The following HDHD5 variants were observed in gnomAD, a reference collection of about 807,000 sequenced individuals.
HDHD5 encodes haloacid dehalogenase like hydrolase domain containing 5.
A neutral mutation model predicts 35.5 loss-of-function variants in HDHD5; 34 were observed. The ratio of observed to expected loss-of-function variants is 0.96; its 90% CI spans 0.73 to 1.28. The LOEUF (loss-of-function observed/expected upper bound fraction) is 1.28. Among genes scored for constraint, HDHD5 ranks in the 50% most tolerant of loss-of-function variants. The probability of loss-of-function intolerance (pLI) is 0.00; values close to 1 mark genes in which losing one functional copy is unlikely to be tolerated. For synonymous variants in HDHD5, 248 were observed against 240.6 expected (o/e 1.03, Z -0.29); for missense variants, 589 against 560.2 (o/e 1.05, Z -0.52).
chr22:17,143,240 AC>A, intron 4 of HDHD5, 109 bp from the exon 5 acceptor site: 3 of 1,185,204 alleles, frequency 2.5e-6, no homozygotes, highest in Non-Finnish European at 3.5e-6. Flanking sequence ...CACTCCACAG[AC>A]CCCACACCCG....
intron 6 of HDHD5, among the ~76,000 whole-genome samples, chr22:17,139,397 A>T (rs534055040): frequency 6.6e-6 from 1 of 152,040 alleles, no homozygotes; most frequent in South Asian, 2.1e-4. Context: ...GTGTGGTGGC[A>T]CATGCCTGTA....
At chr22:17,159,568 G>A, upstream of HDHD5, 1 of 435,136 alleles carries the variant, frequency 2.3e-6, no homozygotes, top group Non-Finnish European at 4.6e-6. Context: ...TTGCGCGGCA[G>A]GCCCCAGGCC....
At chr22:17,159,081 G>A (rs2061837290) in intron 1 of HDHD5, 45 bp downstream of exon 1, 2 of 1,228,482 alleles carry the variant, frequency 1.6e-6, no homozygotes, top group African/African-American at 1.6e-5. Flanking sequence ...CCCCGCCTCC[G>A]GCCCTGAGTG....
chr22:17,156,640 G>A (rs1226667812), intron 1 of HDHD5, among the ~76,000 whole-genome samples: 1 of 152,072 alleles, frequency 6.6e-6, no homozygotes, highest in African/African-American at 2.4e-5. Flanking sequence ...GCCAGGCGTG[G>A]TGGCAGGCAC....
At chr22:17,142,898 T>C (rs2061614630) in intron 5 of HDHD5, 200 bp downstream of exon 5, 4 of 545,696 alleles carry the variant, frequency 7.3e-6, no homozygotes, top group Non-Finnish European at 1.3e-5. Flanking sequence ...TTTCCTGGAA[T>C]AGTGAGTGGC....
chr22:17,161,270 A>T (rs1601409449), upstream of HDHD5, among the ~76,000 whole-genome samples: 1 of 148,914 alleles, frequency 6.7e-6, no homozygotes, highest in East Asian at 2.0e-4. Context: ...AAGAAAGAAG[A>T]AAAAAAGGCC....
chr22:17,148,077 G>A (rs754961521), intron 3 of HDHD5, among the ~76,000 whole-genome samples: 57 of 152,190 alleles, frequency 3.7e-4, no homozygotes, highest in Non-Finnish European at 1.0e-4. Context: ...GCACCCCAAG[G>A]AAGAGGCTAG....
intron 5 of HDHD5, chr22:17,142,518 G>A (rs5747008): frequency 0.88 from 134,087 of 152,254 alleles, 59,206 homozygotes; most frequent in African/African-American, 0.94. Context: ...CTGAGTCACC[G>A]GTAAAACACG....
intron 1 of HDHD5, among the ~76,000 whole-genome samples, chr22:17,164,686 C>A (rs2061881565): frequency 6.6e-6 from 1 of 152,184 alleles, no homozygotes; most frequent in Non-Finnish European, 1.5e-5. Flanking sequence ...CTGCTTACAC[C>A]TCATTGGCCA....
intron 3 of HDHD5, among the ~76,000 whole-genome samples, chr22:17,145,526 G>C (rs1232442605): frequency 6.6e-6 from 1 of 152,158 alleles, no homozygotes; most frequent in African/African-American, 2.4e-5. Flanking sequence ...AACATAGTGA[G>C]ACCTTGTCTC....
intron 5 of HDHD5, chr22:17,142,247 T>C (rs1173833735): frequency 2.0e-5 from 3 of 152,204 alleles, no homozygotes; most frequent in African/African-American, 4.8e-5. Flanking sequence ...AACTTTCCCA[T>C]GTCCTCATAA....
chr22:17,159,288 C>A (rs531335550), upstream of HDHD5: 1,518 of 883,740 alleles, frequency 1.7e-3, 13 homozygotes, highest in South Asian at 7.8e-3. Flanking sequence ...GGCGTGCGGC[C>A]CCCCCCCCCC....
In HDHD5 at chr22:17,157,113, C is replaced by CACACAA. The variant is rs577153294; in HGVS notation, c.126+2012_126+2013insTTGTGT. Among the ~76,000 whole-genome samples, 32 of 145,104 alleles carry CACACAA rather than the reference C, an allele frequency of 2.2e-4. No homozygotes were observed. In the East Asian group the frequency reaches 3.5e-3, roughly 16 times the overall value. The stretch of plus-strand genomic sequence containing the variant: ...ACACACACACACACACACACACACA[C>CACACAA]AAAAGAAAAAAGCTATGGAACAATG... On this transcript the variant is annotated intron_variant, in intron 1 of 7. Coordinates refer to ENST00000336737, the MANE Select transcript of HDHD5 (RefSeq NM_033070.3).
chr22:17,151,016 T>C (rs1446858349), intron 1 of HDHD5, among the ~76,000 whole-genome samples: 1 of 152,228 alleles, frequency 6.6e-6, no homozygotes, highest in Non-Finnish European at 1.5e-5. Context: ...TATGGGTATT[T>C]CCTTGAGCTA....
In HDHD5 at chr22:17,138,222, G is replaced by A; in HGVS notation, c.1071C>T (p.Ile357=). The A allele has an allele frequency of 6.2e-7, 1 of 1,614,192 alleles. No individual in the cohort carries two copies. Among genetic ancestry groups the A allele is most frequent in the Non-Finnish European group, 8.5e-7 (1 of 1,180,046 alleles). ...AGACGCCTGTACACACCAGGATGGA[G>A]ATGCAGCTCTGGCTTGCTGAGGGCT... The part of the protein sequence containing the change: ...QQQPSASQSC[I]SILVCTGVYN... The change falls in exon 8 of 8, where the codon ATC becomes ATT. Residue 357 remains isoleucine (I), a synonymous_variant. Coordinates refer to ENST00000336737, the MANE Select transcript of HDHD5 (RefSeq NM_033070.3).
In HDHD5 at chr22:17,143,128, G is replaced by A; in HGVS notation, c.541C>T (p.Leu181Phe). Residue 181 changes from leucine (L) to phenylalanine (F), a missense_variant, in exon 5 of 8, where the codon CTC becomes TTC. By Grantham distance (22) the Leu-to-Phe change is conservative (BLOSUM62 0). Coordinates refer to ENST00000336737, the MANE Select transcript of HDHD5 (RefSeq NM_033070.3). ...ATGCGGGGGAAGTCATTCCTCGGGA[G>A]GGGCTGCAGAGAGACAAAGGAGAGG... ...DLERRLKTTP[L>F]PRNDFPRIEG... The A allele has an allele frequency of 6.2e-7, 1 of 1,609,152 alleles. No homozygotes were observed. Among genetic ancestry groups the A allele is most frequent in the Non-Finnish European group, 8.5e-7 (1 of 1,178,064 alleles).
intron 5 of HDHD5, chr22:17,141,486 G>A (rs568299828): frequency 1.5e-6 from 2 of 1,320,364 alleles, no homozygotes; most frequent in African/African-American, 1.5e-5. Context: ...TCACAGAAGA[G>A]GTTACAAAAC....
intron 3 of HDHD5, among the ~76,000 whole-genome samples, chr22:17,148,002 C>T (rs1165683715): frequency 2.0e-5 from 3 of 152,244 alleles, no homozygotes; most frequent in Non-Finnish European, 2.9e-5. Context: ...AGGTATTATT[C>T]CGCAGGCTCC....
chr22:17,163,363 C>T (rs566134559), upstream of HDHD5, among the ~76,000 whole-genome samples: 21 of 152,310 alleles, frequency 1.4e-4, 1 homozygote, highest in Admixed American at 1.4e-3. Flanking sequence ...CTCCTAAAAA[C>T]CCAGATTGAT....
Sources: allele counts gnomAD v4.1 joint callset (sites outside exome capture counted in the v4.1 genomes callset), GRCh38; gene constraint gnomAD v4.1.1; transcripts MANE v1.5; gene names NCBI Gene and HGNC (gene_info 2026-07-23, HGNC 2026-07-21).